CSMD1: variants seen among roughly 807,000 people sequenced by gnomAD.
CSMD1 encodes CUB and Sushi multiple domains 1.
A neutral mutation model predicts 417.5 loss-of-function variants in CSMD1; 213 were observed. The observed-to-expected ratio is 0.51, with a 90% CI of 0.46 to 0.57. The LOEUF is 0.57. Among genes scored for constraint, CSMD1 ranks in the 20% least tolerant of loss-of-function variants. The pLI is 0.00. For synonymous variants in CSMD1, 2,862 were observed against 1,736.8 expected, an observed-to-expected ratio of 1.65 and a Z score of -16.11; for missense variants, 6,923 against 4,529.7, an observed-to-expected ratio of 1.53 and a Z score of -15.17.
intron 2 of CSMD1, among the ~76,000 whole-genome samples, chr8:4,508,170 T>TA (rs1326931620): frequency 6.6e-6 from 1 of 150,696 alleles, no homozygotes; most frequent in Non-Finnish European, 1.5e-5. Context: ...ATTTTTTTTT[T>TA]TTTCAATTCT....
chr8:3,299,665 G>A (rs1804242394), intron 25 of CSMD1, among the ~76,000 whole-genome samples: 2 of 152,126 alleles, frequency 1.3e-5, no homozygotes, highest in South Asian at 4.1e-4. Context: ...AAGGAATCCA[G>A]GGAAAGGAGA....
At chr8:4,605,278 A>G (rs1247203038) in intron 2 of CSMD1, among the ~76,000 whole-genome samples, 1 of 151,384 alleles carries the variant, frequency 6.6e-6, no homozygotes, top group African/African-American at 2.4e-5. Flanking sequence ...TAAGAAAAAA[A>G]GAAGAAGAAG....
At chr8:3,384,680 TA>T (rs1489079610) in intron 18 of CSMD1, among the ~76,000 whole-genome samples, 18 of 128,204 alleles carry the variant, frequency 1.4e-4, no homozygotes, top group East Asian at 1.1e-3. Context: ...TATTTATATA[TA>T]AATATATATT....
At chr8:3,307,650 CAT>C (rs1279436317) in intron 25 of CSMD1, 43 bp downstream of exon 25, 1 of 1,581,328 alleles carries the variant, frequency 6.3e-7, no homozygotes, top group Admixed American at 1.7e-5. Context: ...GAATAGAAGG[CAT>C]ATCTCTTTTC....
At chr8:4,290,468 G>T (rs1797299695) in intron 3 of CSMD1, among the ~76,000 whole-genome samples, 1 of 152,102 alleles carries the variant, frequency 6.6e-6, no homozygotes, top group Non-Finnish European at 1.5e-5. Context: ...TTAAACAAGG[G>T]TCAGGGACAC....
At chr8:3,360,733 AC>A (rs1357589682) in intron 20 of CSMD1, among the ~76,000 whole-genome samples, 2 of 152,142 alleles carry the variant, frequency 1.3e-5, no homozygotes, top group Admixed American at 1.3e-4. Flanking sequence ...AATTACTTCT[AC>A]TTTTTTCTAA....
intron 18 of CSMD1, chr8:3,375,026 G>C (rs1273440741): frequency 6.6e-6 from 1 of 152,220 alleles, no homozygotes; most frequent in Non-Finnish European, 1.5e-5. Context: ...GTGGGAAAAA[G>C]AGGAGCTGGT....
At chr8:4,030,297 C>G (rs1487822012) in intron 4 of CSMD1, among the ~76,000 whole-genome samples, 1 of 152,336 alleles carries the variant, frequency 6.6e-6, no homozygotes, top group African/African-American at 2.4e-5. Flanking sequence ...AGGACCGCCA[C>G]CCATAGCAAA....
intron 41 of CSMD1, among the ~76,000 whole-genome samples, chr8:3,123,451 C>A (rs964191009): frequency 6.6e-6 from 1 of 152,202 alleles, no homozygotes; most frequent in Non-Finnish European, 1.5e-5. Flanking sequence ...TAATTCCACA[C>A]TGAGTTTCAA....
chr8:3,640,527 G>A (rs1427114336), intron 7 of CSMD1, among the ~76,000 whole-genome samples: 1 of 152,186 alleles, frequency 6.6e-6, no homozygotes, highest in African/African-American at 2.4e-5. Flanking sequence ...TCAGAAAAAT[G>A]TGGAAGCATA....
Position 3,098,642 on chromosome 8 carries a change from G to C in CSMD1, c.6950-1605C>G, listed in dbSNP as rs146312164. Among the ~76,000 whole-genome samples, 955 of 152,242 alleles carry C rather than the reference G, an allele frequency of 6.3e-3. 7 individuals are homozygous for C. Among genetic ancestry groups the C allele is most frequent in the African/African-American group, 0.021 (877 of 41,546 alleles). ...AGGTCTAATTTTCTTCTGTGATGGT[G>C]ACCTCATCGCTTTGTAAAATACACG... On this transcript the variant is annotated intron_variant, in intron 46 of 69. Transcript: ENST00000635120.
chr8:3,744,444 A>T (rs902979894), intron 6 of CSMD1, among the ~76,000 whole-genome samples: 9 of 152,180 alleles, frequency 5.9e-5, no homozygotes, highest in African/African-American at 2.2e-4. Context: ...ACCAGGAAAA[A>T]AGTCTAGGAA....
intron 12 of CSMD1, among the ~76,000 whole-genome samples, chr8:3,459,607 C>G (rs1035908549): frequency 3.9e-5 from 6 of 152,084 alleles, no homozygotes; most frequent in Admixed American, 6.6e-5. Flanking sequence ...CCAATAGCAG[C>G]AGAGCACCCA....
chr8:4,654,744 G>C (rs898676410), intron 1 of CSMD1, among the ~76,000 whole-genome samples: 1 of 152,082 alleles, frequency 6.6e-6, no homozygotes, highest in African/African-American at 2.4e-5. Flanking sequence ...TTCAGACAGA[G>C]AAGAAAACTT....
chr8:3,911,532 T>TAAA (rs1012148560), intron 5 of CSMD1, among the ~76,000 whole-genome samples: 12 of 114,212 alleles, frequency 1.1e-4, no homozygotes, highest in African/African-American at 2.3e-4. Context: ...CGTCTCAAAA[T>TAAA]AAAAAAAAAA....
At chr8:3,267,549 G>T (rs62505006) in intron 26 of CSMD1, among the ~76,000 whole-genome samples, 1 of 152,260 alleles carries the variant, frequency 6.6e-6, no homozygotes, top group Non-Finnish European at 1.5e-5. Context: ...CTGGGCCAGG[G>T]AGCTTCCAGC....
intron 2 of CSMD1, among the ~76,000 whole-genome samples, chr8:4,426,174 A>C (rs1797542142): frequency 6.6e-6 from 1 of 151,922 alleles, no homozygotes; most frequent in Admixed American, 6.6e-5. Flanking sequence ...CTAGGTAATC[A>C]GGAAATAGAC....
At chr8:3,260,735 G>A (rs758404811) in intron 26 of CSMD1, among the ~76,000 whole-genome samples, 11 of 152,148 alleles carry the variant, frequency 7.2e-5, no homozygotes, top group Admixed American at 7.2e-4. Flanking sequence ...TCAAGAGTTA[G>A]GCAAGGGGCT....
intron 7 of CSMD1, among the ~76,000 whole-genome samples, chr8:3,623,394 A>G (rs1796350896): frequency 6.6e-6 from 1 of 152,228 alleles, no homozygotes; most frequent in Non-Finnish European, 1.5e-5. Context: ...AGGTGCCATC[A>G]TGAATAAAGC....
Sources: allele counts gnomAD v4.1 joint callset (sites outside exome capture counted in the v4.1 genomes callset), GRCh38; gene constraint gnomAD v4.1.1; transcripts MANE v1.5; gene names NCBI Gene and HGNC (gene_info 2026-07-23, HGNC 2026-07-21).